The following LRRK2 variants were observed in gnomAD, a reference collection of about 807,000 sequenced individuals.
LRRK2 encodes the protein leucine rich repeat kinase 2, also known as leucine-rich repeat serine/threonine-protein kinase 2.
Under a neutral mutation model 302.6 loss-of-function variants are expected in LRRK2, and 203 were observed. That is an observed-to-expected ratio of 0.67 (90% CI 0.60 to 0.75). LRRK2 has a LOEUF of 0.75. LRRK2 is among the 30% of genes least tolerant of loss of function. The pLI is 0.00. For missense variants in LRRK2, 2,830 were observed against 2,951.0 expected (o/e 0.96, Z 0.95); for synonymous variants, 1,066 against 1,031.9 (o/e 1.03, Z -0.63).
At chr12:40,250,433 T>C (rs186044931) in intron 8 of LRRK2, among the ~76,000 whole-genome samples, 198 of 152,232 alleles carry the variant, frequency 1.3e-3, no homozygotes, top group African/African-American at 4.2e-3. Flanking sequence ...GGAGTTGAAG[T>C]GAGCTGAGAT....
chr12:40,295,791 A>G (rs1272346500), intron 23 of LRRK2, 147 bp downstream of exon 23: 3 of 694,758 alleles, frequency 4.3e-6, no homozygotes, highest in South Asian at 3.7e-5. Context: ...TTTTGCACAC[A>G]TATCTTAGTC....
Position 40,295,442 on chromosome 12 carries a change from A to C in LRRK2, c.2894A>C (p.Gln965Pro). The change falls in exon 23 of 51, where the codon CAA becomes CCA. Residue 965 changes from glutamine (Q) to proline (P), a missense_variant. By Grantham distance (76) the Gln-to-Pro change is moderately conservative. Transcript: ENST00000298910. ...TTGACAAAAGGGTCATCAAAACTTC[A>C]ATCCCATATGAGGCATTCAGACAGC... ...SDDSLRSSKLQSHMRHSDSIS... is the reference protein window; with the variant it reads ...SDDSLRSSKLPSHMRHSDSIS... 1 of 1,613,002 alleles carries C rather than the reference A, an allele frequency of 6.2e-7. No individual in the cohort carries two copies. The highest frequency in any genetic ancestry group is 8.5e-7 in the Non-Finnish European group (1 of 1,179,926).
intron 44 of LRRK2, among the ~76,000 whole-genome samples, chr12:40,353,184 G>A (rs889471517): frequency 6.2e-4 from 94 of 150,474 alleles, no homozygotes; most frequent in Non-Finnish European, 1.2e-3. Flanking sequence ...TCACTTCTCC[G>A]ACGGGGCGGC....
Position 40,313,956 on chromosome 12 carries a change from A to AT in LRRK2, c.4537-13dup. 1 of 1,605,928 alleles carries AT rather than the reference A, an allele frequency of 6.2e-7. No homozygotes were observed. On this transcript the variant is annotated splice_polypyrimidine_tract_variant and intron_variant, in intron 31 of 50. Coordinates refer to ENST00000298910, the MANE Select transcript of LRRK2 (RefSeq NM_198578.4). The stretch of plus-strand genomic sequence containing the variant: ...ATAAAATAGATTTTTACGGCTTGTC[A>AT]TTTGTAATTTCATAGATCCGAGATC...
Position 40,298,296 on chromosome 12 carries a change from T to C in LRRK2, c.3150T>C (p.Phe1050=), listed in dbSNP as rs753338498. ...TGCACAGTAATAAATTTACATCATTTCCTTCTTATTTGTTGAAAATGAGTT... is the reference window on the plus strand; with the variant it reads ...TGCACAGTAATAAATTTACATCATTCCCTTCTTATTTGTTGAAAATGAGTT... ...LDLHSNKFTS[F]PSYLLKMSCI... The change falls in exon 24 of 51, where the codon TTT becomes TTC. Residue 1050 remains phenylalanine, a synonymous_variant. Transcript: ENST00000298910. 1.2e-6 allele frequency: 2 copies of C among 1,613,824 alleles called. No homozygotes were observed.
Position 40,252,961 on chromosome 12 carries a change from A to G in LRRK2, c.1233A>G (p.Ser411=). Residue 411 remains serine, a synonymous_variant, in exon 11 of 51, where the codon TCA becomes TCG. Coordinates refer to ENST00000298910, the MANE Select transcript of LRRK2 (RefSeq NM_198578.4). ...VMLSMLMHSS[S]KEVFQASANA... is the part of the protein sequence containing the mutation. Reference sequence around the variant, plus strand: ...TCTCCATGCTGATGCATTCTTCATCAAAGGAAGTTTTCCAGGCATCTGCGA... The same window carrying G: ...TCTCCATGCTGATGCATTCTTCATCGAAGGAAGTTTTCCAGGCATCTGCGA... 1.2e-6 allele frequency: 2 copies of G among 1,613,540 alleles called. No homozygotes were observed. The highest frequency in any genetic ancestry group is 2.2e-5 in the South Asian group (2 of 91,082).
intron 19 of LRRK2, among the ~76,000 whole-genome samples, chr12:40,284,793 A>G (rs931366277): frequency 2.0e-5 from 3 of 152,066 alleles, no homozygotes; most frequent in African/African-American, 7.2e-5. Flanking sequence ...TCCCATGCCC[A>G]TCTCCTTCCC....
intron 14 of LRRK2, among the ~76,000 whole-genome samples, chr12:40,268,089 G>A (rs1037199952): frequency 6.6e-6 from 1 of 152,170 alleles, no homozygotes; most frequent in African/African-American, 2.4e-5. Flanking sequence ...GAACAGCGAT[G>A]TTCCATTTAT....
rs775895624 is a variant in LRRK2, at chr12:40,237,926, A to G, written c.437-43A>G. ...TGTAAAAATTAACACATTAAATGTT[A>G]AAGCAGCTCTTTACTCAGAGCATAT... On this transcript the variant is annotated intron_variant, in intron 4 of 50. Transcript: ENST00000298910. 2.5e-6 allele frequency: 4 copies of G among 1,585,554 alleles called. No homozygotes were observed. The South Asian group carries it at 3.3e-5, about 13-fold the overall frequency.
At chr12:40,241,911 A>G (rs924929978) in intron 6 of LRRK2, among the ~76,000 whole-genome samples, 2 of 152,188 alleles carry the variant, frequency 1.3e-5, no homozygotes, top group East Asian at 3.8e-4. Flanking sequence ...TAATAGAGAA[A>G]GGCCATGGTT....
rs937911118 is a variant in LRRK2, at chr12:40,293,633, A to T, written c.2778A>T (p.Ser926=). Residue 926 remains serine (S), a synonymous_variant, in exon 21 of 51, where the codon TCA becomes TCT. Transcript: ENST00000298910. ...GAGATGCCGTATTACAGCGTTGCTC[A>T]CCAAATTTGCAAAGACATTCCAATT... ...FYRDAVLQRC[S]PNLQRHSNSL... is the part of the protein sequence containing the mutation. The T allele has an allele frequency of 6.2e-7, 1 of 1,610,974 alleles. No individual in the cohort carries two copies. Among genetic ancestry groups the T allele is most frequent in the African/African-American group, 1.3e-5 (1 of 74,800 alleles).
At chr12:40,270,537 T>C (rs192165534) in intron 14 of LRRK2, among the ~76,000 whole-genome samples, 113 of 152,244 alleles carry the variant, frequency 7.4e-4, no homozygotes, top group Non-Finnish European at 1.2e-3. Flanking sequence ...TTGTAAAATA[T>C]TGTTTTTTTT....
chr12:40,290,689 T>C (rs1428243467), intron 20 of LRRK2, among the ~76,000 whole-genome samples: 2 of 152,148 alleles, frequency 1.3e-5, no homozygotes, highest in African/African-American at 2.4e-5. Context: ...ATGTTACTTA[T>C]AGCAATTATT....
chr12:40,306,724 C>A (rs1443581653), intron 28 of LRRK2, among the ~76,000 whole-genome samples: 1 of 152,142 alleles, frequency 6.6e-6, no homozygotes, highest in Admixed American at 6.6e-5. Flanking sequence ...CAACACAGTG[C>A]CTGGCATACA....
intron 16 of LRRK2, among the ~76,000 whole-genome samples, chr12:40,277,352 C>G (rs1943500718): frequency 6.6e-6 from 1 of 152,096 alleles, no homozygotes; most frequent in Non-Finnish European, 1.5e-5. Flanking sequence ...TCAGAGTGCC[C>G]TCAGCGCTTC....
chr12:40,339,801 T>C (rs1945981679), intron 40 of LRRK2, among the ~76,000 whole-genome samples: 1 of 152,104 alleles, frequency 6.6e-6, no homozygotes, highest in South Asian at 2.1e-4. Flanking sequence ...AAAATAAATA[T>C]CAATGATAAA....
At chr12:40,270,267 T>C (rs1943178299) in intron 14 of LRRK2, among the ~76,000 whole-genome samples, 1 of 152,158 alleles carries the variant, frequency 6.6e-6, no homozygotes. Context: ...CTACTTTTGT[T>C]CAATAAATTA....
intron 38 of LRRK2, among the ~76,000 whole-genome samples, chr12:40,324,620 G>T (rs1283180302): frequency 6.6e-6 from 1 of 152,108 alleles, no homozygotes; most frequent in Non-Finnish European, 1.5e-5. Context: ...TGTCAGTCAG[G>T]ACATAATATT....
chr12:40,266,349 G>A (rs1435908979), intron 14 of LRRK2, among the ~76,000 whole-genome samples: 15 of 152,138 alleles, frequency 9.9e-5, no homozygotes, highest in African/African-American at 3.4e-4. Context: ...AAGGATATGA[G>A]CAGACACTTC....
Sources: gnomAD v4.1 joint callset for allele counts (sites outside exome capture counted in the v4.1 genomes callset) on GRCh38, gnomAD v4.1.1 for gene constraint, MANE v1.5 for transcripts, NCBI Gene and HGNC (gene_info 2026-07-23, HGNC 2026-07-21) for gene names.